Variants in PLXNA4 observed in about 807,000 individuals in gnomAD.
PLXNA4 encodes plexin-A4.
Under a neutral mutation model 191.8 loss-of-function variants are expected in PLXNA4, and 44 were observed. The ratio of observed to expected loss-of-function variants is 0.23; its 90% CI spans 0.18 to 0.29. The LOEUF (loss-of-function observed/expected upper bound fraction) is 0.29, where lower values mean the gene tolerates loss of function less well. Ranked by LOEUF, PLXNA4 falls within the 10% of genes least tolerant of loss-of-function variation. The probability of loss-of-function intolerance (pLI) is 1.00; values close to 1 mark genes in which losing one functional copy is unlikely to be tolerated. For synonymous variants in PLXNA4, 1,082 were observed against 1,009.5 expected, an observed-to-expected ratio of 1.07 and a Z score of -1.36; for missense variants, 1,800 against 2,488.8, an observed-to-expected ratio of 0.72 and a Z score of 5.89.
intron 3 of PLXNA4, among the ~76,000 whole-genome samples, chr7:132,485,890 G>A (rs533957743): frequency 8.5e-5 from 13 of 152,142 alleles, no homozygotes; most frequent in South Asian, 2.1e-4. Flanking sequence ...GTGAAATTAC[G>A]GTCGTCAAAG....
At chr7:132,409,186 C>T (rs1794349586) in intron 3 of PLXNA4, among the ~76,000 whole-genome samples, 2 of 152,096 alleles carry the variant, frequency 1.3e-5, no homozygotes, top group Admixed American at 6.5e-5. Flanking sequence ...CGGGCAGCTG[C>T]CCTGTGAAGC....
intron 1 of PLXNA4, among the ~76,000 whole-genome samples, chr7:132,572,941 C>T (rs113614206): frequency 2.0e-5 from 3 of 152,088 alleles, no homozygotes; most frequent in East Asian, 1.9e-4. Context: ...TTTAAAATGC[C>T]GCTTTTAAAT....
rs1306063898 is a variant in PLXNA4, at chr7:132,146,659, A to C, written c.4906T>G (p.Ser1636Ala). Residue 1636 changes from serine (S) to alanine (A), a missense_variant, in exon 28 of 32, where the codon TCA becomes GCA. Around this residue, in one of 6 missense-constraint regions of PLXNA4, gnomAD observed 214 missense variants for 298.2 expected, o/e 0.72. Coordinates refer to ENST00000321063, the MANE Select transcript of PLXNA4 (RefSeq NM_020911.2). ...TCAGGAGTGATCATAGGTGTCCGTG[A>C]GCGGAGGCTGTCGGGGCTGCCCGTG... ...RYTGSPDSLR[S>A]RTPMITPDLE... 12 of 1,614,068 alleles carry C rather than the reference A, an allele frequency of 7.4e-6. No individual in the cohort carries two copies. The highest frequency in any genetic ancestry group is 1.3e-5 in the African/African-American group (1 of 74,924).
intron 16 of PLXNA4, among the ~76,000 whole-genome samples, chr7:132,182,482 G>C (rs150076071): frequency 8.2e-4 from 125 of 152,246 alleles, no homozygotes; most frequent in African/African-American, 2.8e-3. Flanking sequence ...GCTCTCCAAG[G>C]CCTCTTGATT....
chr7:132,500,227 C>A (rs1468246944), intron 2 of PLXNA4, among the ~76,000 whole-genome samples: 1 of 152,126 alleles, frequency 6.6e-6, no homozygotes, highest in Non-Finnish European at 1.5e-5. Context: ...GGGTGGATCA[C>A]CTGTCAGGAG....
At chr7:132,238,328 G>T (rs907825004) in intron 5 of PLXNA4, among the ~76,000 whole-genome samples, 3 of 152,140 alleles carry the variant, frequency 2.0e-5, no homozygotes, top group Non-Finnish European at 2.9e-5. Flanking sequence ...AGGAGCAATG[G>T]CTTGGTATTC....
chr7:132,386,132 C>T (rs561747842), intron 3 of PLXNA4, among the ~76,000 whole-genome samples: 63 of 152,238 alleles, frequency 4.1e-4, no homozygotes, highest in African/African-American at 1.4e-3. Flanking sequence ...GATAGAGGGG[C>T]CCCGTGAGCT....
chr7:132,344,831 A>T (rs28736398), intron 3 of PLXNA4, among the ~76,000 whole-genome samples: 25 of 152,302 alleles, frequency 1.6e-4, no homozygotes, highest in African/African-American at 5.8e-4. Flanking sequence ...GAATAATAAC[A>T]TCTGCAAGGC....
chr7:132,386,355 C>T (rs570970657), intron 3 of PLXNA4, among the ~76,000 whole-genome samples: 8 of 152,306 alleles, frequency 5.3e-5, no homozygotes, highest in Non-Finnish European at 1.0e-4. Context: ...GCCAAATGAC[C>T]GCTGGTCAAA....
chr7:132,335,523 G>A (rs1802782630), intron 3 of PLXNA4, among the ~76,000 whole-genome samples: 2 of 152,202 alleles, frequency 1.3e-5, no homozygotes, highest in Middle Eastern at 3.4e-3. Flanking sequence ...GGGGCTCCCT[G>A]GGCCAAAATA....
At chr7:132,442,546 T>C (rs1795735657) in intron 3 of PLXNA4, among the ~76,000 whole-genome samples, 1 of 152,216 alleles carries the variant, frequency 6.6e-6, no homozygotes, top group African/African-American at 2.4e-5. Context: ...AATCTGCTGC[T>C]TCTCCATGGG....
intron 3 of PLXNA4, among the ~76,000 whole-genome samples, chr7:132,440,016 G>A (rs201222574): frequency 7.8e-6 from 1 of 128,568 alleles, no homozygotes; most frequent in Non-Finnish European, 1.8e-5. Context: ...GTGTGTATGT[G>A]TGTGTGTGTG....
At chr7:132,345,092 T>C (rs1192686636) in intron 3 of PLXNA4, among the ~76,000 whole-genome samples, 3 of 152,200 alleles carry the variant, frequency 2.0e-5, no homozygotes, top group Admixed American at 2.0e-4. Flanking sequence ...TTTAGTTCTT[T>C]GGGGGATGGA....
rs2116260469 is a variant in PLXNA4 at position 132,508,806 on chromosome 7, G to C, written c.-86-27C>G. 2.1e-6 allele frequency: 3 copies of C among 1,431,224 alleles called. No individual in the cohort carries two copies. The South Asian group carries it at 4.5e-5, about 22-fold the overall frequency. The allele number at this position is 1,431,224 out of a possible 1,614,324, so 88.7% of individuals were successfully genotyped here. ...TGGAGAAAGGGAAGACAATGAGCTG[G>C]ATAACAATGCCAGTGGCTTCATTTC... On this transcript the variant is annotated intron_variant, in intron 1 of 31. Transcript: ENST00000321063. The surrounding 1 kb of genome is among the most constrained non-coding windows in gnomAD (Gnocchi z 4.4).
At chr7:132,480,228 G>A (rs1797285434) in intron 3 of PLXNA4, among the ~76,000 whole-genome samples, 1 of 152,212 alleles carries the variant, frequency 6.6e-6, no homozygotes, top group Non-Finnish European at 1.5e-5. Context: ...AATGGAGGGG[G>A]TGAAAGTGAG....
chr7:132,540,205 GC>G (rs1420168865), intron 1 of PLXNA4, among the ~76,000 whole-genome samples: 3 of 152,264 alleles, frequency 2.0e-5, no homozygotes, highest in East Asian at 3.9e-4. Context: ...TCCAGAGCAT[GC>G]AGCATGTCTC....
At chr7:132,150,729 G>T (rs1795572096) in intron 25 of PLXNA4, among the ~76,000 whole-genome samples, 1 of 152,248 alleles carries the variant, frequency 6.6e-6, no homozygotes, top group Non-Finnish European at 1.5e-5. Flanking sequence ...ACTGCTTGCT[G>T]ATAAAGAATT....
At chr7:132,319,549 G>T (rs1802083962) in intron 3 of PLXNA4, among the ~76,000 whole-genome samples, 1 of 151,982 alleles carries the variant, frequency 6.6e-6, no homozygotes, top group Non-Finnish European at 1.5e-5. Flanking sequence ...AGGGTTCCTT[G>T]TAATTTATAA....
At chr7:132,474,662 T>C (rs1016558914) in intron 3 of PLXNA4, among the ~76,000 whole-genome samples, 1 of 151,956 alleles carries the variant, frequency 6.6e-6, no homozygotes. Flanking sequence ...ACACACACAA[T>C]TAAATCCTAT....
Sources: gnomAD v4.1 joint callset for allele counts (sites outside exome capture counted in the v4.1 genomes callset) on GRCh38, gnomAD v4.1.1 for gene constraint, gnomAD v4.1.1 regional missense constraint, Gnocchi (gnomAD v3.1) non-coding constraint, MANE v1.5 for transcripts, NCBI Gene and HGNC (gene_info 2026-07-23, HGNC 2026-07-21) for gene names.